PTPN4: variants seen among roughly 807,000 people sequenced by gnomAD.
PTPN4 encodes tyrosine-protein phosphatase non-receptor type 4.
In PTPN4, 49 loss-of-function variants were observed where a neutral mutation model predicts 135.5. That is an observed-to-expected ratio of 0.36 (90% confidence interval 0.29 to 0.46). The LOEUF (loss-of-function observed/expected upper bound fraction) is 0.46, where lower values mean the gene tolerates loss of function less well. Ranked by LOEUF, PTPN4 falls within the 20% of genes least tolerant of loss-of-function variation. PTPN4 has a pLI of 1.00. For missense variants in PTPN4, 860 were observed against 1,101.0 expected (o/e 0.78, Z 3.10); for synonymous variants, 333 against 369.9 (o/e 0.90, Z 1.14).
chr2:119,766,201 T>C (rs1690614805), intron 1 of PTPN4, among the ~76,000 whole-genome samples: 1 of 152,224 alleles, frequency 6.6e-6, no homozygotes, highest in South Asian at 2.1e-4. Context: ...TAAGAAATTA[T>C]TATTTTCTTT....
chr2:119,866,335 A>C (rs1348338976), intron 3 of PTPN4, among the ~76,000 whole-genome samples: 3 of 152,060 alleles, frequency 2.0e-5, no homozygotes, highest in African/African-American at 7.2e-5. Context: ...ATCTTTCTGC[A>C]GGTTCATTCT....
intron 12 of PTPN4, among the ~76,000 whole-genome samples, chr2:119,923,276 A>G (rs905585725): frequency 1.3e-5 from 2 of 152,190 alleles, no homozygotes; most frequent in African/African-American, 4.8e-5. Context: ...CAGGAGGCTC[A>G]GGGAGGAGGA....
intron 1 of PTPN4, among the ~76,000 whole-genome samples, chr2:119,793,749 G>A (rs1329421829): frequency 6.6e-6 from 1 of 151,590 alleles, no homozygotes; most frequent in Non-Finnish European, 1.5e-5. Context: ...CCCTCTGTTC[G>A]GGGTCCCTGA....
At chr2:119,974,460 C>T (rs941371774) in intron 26 of PTPN4, among the ~76,000 whole-genome samples, 4 of 152,204 alleles carry the variant, frequency 2.6e-5, no homozygotes, top group African/African-American at 9.6e-5. Flanking sequence ...CCACCCGCCT[C>T]GACCTCCCAA....
intron 12 of PTPN4, among the ~76,000 whole-genome samples, chr2:119,923,998 G>A (rs749999407): frequency 9.9e-5 from 15 of 151,918 alleles, no homozygotes; most frequent in Non-Finnish European, 1.8e-4. Context: ...TTAGCCGGGC[G>A]TAGTGGTGGG....
intron 5 of PTPN4, among the ~76,000 whole-genome samples, chr2:119,878,717 G>T (rs1678021500): frequency 6.9e-6 from 1 of 144,784 alleles, no homozygotes. Flanking sequence ...TTAACAAATG[G>T]GAGAACTCAG....
At chr2:119,854,229 A>G (rs903223140) in intron 2 of PTPN4, among the ~76,000 whole-genome samples, 1 of 152,180 alleles carries the variant, frequency 6.6e-6, no homozygotes, top group South Asian at 2.1e-4. Flanking sequence ...CTTGGCACAC[A>G]TGGTGATGAG....
intron 8 of PTPN4, among the ~76,000 whole-genome samples, chr2:119,883,592 G>A (rs2105003415): frequency 6.6e-6 from 1 of 152,304 alleles, no homozygotes; most frequent in East Asian, 1.9e-4. Flanking sequence ...AACTAAGGCA[G>A]TGTTGCGTAT....
At chr2:119,935,190 A>G (rs1435828327) in intron 15 of PTPN4, 15 of 486,594 alleles carry the variant, frequency 3.1e-5, no homozygotes, top group Non-Finnish European at 1.1e-5. Context: ...TTCAGTTTTT[A>G]GTATATAAAC....
At chr2:119,904,690 G>T (rs774972728) in intron 10 of PTPN4, among the ~76,000 whole-genome samples, 9 of 152,116 alleles carry the variant, frequency 5.9e-5, no homozygotes, top group Non-Finnish European at 1.2e-4. Flanking sequence ...TCAGACCAAT[G>T]GCAGATTCCT....
chr2:119,784,673 T>C (rs1374759295), intron 1 of PTPN4, among the ~76,000 whole-genome samples: 2 of 150,816 alleles, frequency 1.3e-5, no homozygotes, highest in East Asian at 2.0e-4. Context: ...AGGCATGAGC[T>C]ACTGCGCCCA....
At chr2:119,950,569 T>A (rs1026957434) in intron 18 of PTPN4, among the ~76,000 whole-genome samples, 3 of 152,214 alleles carry the variant, frequency 2.0e-5, no homozygotes, top group Non-Finnish European at 4.4e-5. Context: ...CAGTGCCTTA[T>A]TGGATTTTAT....
intron 2 of PTPN4, among the ~76,000 whole-genome samples, chr2:119,815,117 T>C (rs1019700920): frequency 1.3e-5 from 2 of 152,174 alleles, no homozygotes; most frequent in African/African-American, 4.8e-5. Context: ...ATAAGTCTGT[T>C]ACTGAAAATG....
At chr2:119,835,887 G>A (rs1677284748) in intron 2 of PTPN4, among the ~76,000 whole-genome samples, 1 of 151,972 alleles carries the variant, frequency 6.6e-6, no homozygotes, top group Non-Finnish European at 1.5e-5. Context: ...GGCTAACACA[G>A]TGAAACCCTG....
chr2:119,969,980 G>T (rs72952829), intron 26 of PTPN4, among the ~76,000 whole-genome samples: 3 of 152,104 alleles, frequency 2.0e-5, no homozygotes, highest in Non-Finnish European at 4.4e-5. Flanking sequence ...AAATTCAGCC[G>T]CTTAAAGTAT....
chr2:119,970,987 T>C (rs1388231704), intron 26 of PTPN4, among the ~76,000 whole-genome samples: 6 of 152,250 alleles, frequency 3.9e-5, no homozygotes, highest in African/African-American at 1.4e-4. Flanking sequence ...GCCATCCTGC[T>C]GGGTATGAAG....
chr2:119,859,834 G>C (rs1265358763), intron 2 of PTPN4, among the ~76,000 whole-genome samples: 1 of 152,194 alleles, frequency 6.6e-6, no homozygotes, highest in Non-Finnish European at 1.5e-5. Context: ...CTTCTTATTT[G>C]ATTTCCGTGG....
intron 15 of PTPN4, among the ~76,000 whole-genome samples, chr2:119,936,392 G>A (rs1678984567): frequency 6.6e-6 from 1 of 152,160 alleles, no homozygotes; most frequent in Admixed American, 6.5e-5. Flanking sequence ...ACCTTGAATT[G>A]TAATCTCCAG....
intron 2 of PTPN4, among the ~76,000 whole-genome samples, chr2:119,841,543 G>A (rs946454178): frequency 2.0e-5 from 3 of 152,116 alleles, no homozygotes; most frequent in African/African-American, 4.8e-5. Context: ...ATGAAGCAGA[G>A]ATGTATTTAT....
Sources: allele counts gnomAD v4.1 joint callset (sites outside exome capture counted in the v4.1 genomes callset), GRCh38; gene constraint gnomAD v4.1.1; transcripts MANE v1.5; gene names NCBI Gene and HGNC (gene_info 2026-07-23, HGNC 2026-07-21).